Variants in PCNX2 observed in about 807,000 individuals in gnomAD.
PCNX2 encodes the protein pecanex-like protein 2.
A neutral mutation model predicts 223.8 loss-of-function variants in PCNX2; 168 were observed. That is an observed-to-expected ratio of 0.75 (90% confidence interval 0.66 to 0.85). The LOEUF is 0.85. Among genes scored for constraint, PCNX2 ranks in the 40% least tolerant of loss-of-function variants. The pLI is 0.00. For missense variants in PCNX2, 2,507 were observed against 2,675.5 expected (o/e 0.94, Z 1.39); for synonymous variants, 1,006 against 1,052.6 (o/e 0.96, Z 0.86).
chr1:233,046,705 T>G (rs1265117545), intron 25 of PCNX2, among the ~76,000 whole-genome samples: 1 of 152,194 alleles, frequency 6.6e-6, no homozygotes, highest in Non-Finnish European at 1.5e-5. Context: ...GGCAGTCTAG[T>G]CTCACATAAT....
chr1:233,300,985 G>C, the PCNX2 span, among the ~76,000 whole-genome samples: 2 of 152,128 alleles, frequency 1.3e-5, no homozygotes, highest in Non-Finnish European at 2.9e-5. Context: ...AGGCTCTTTT[G>C]TAACCCCCTA....
chr1:233,220,248 T>C (rs979559852), intron 10 of PCNX2, among the ~76,000 whole-genome samples: 3 of 152,238 alleles, frequency 2.0e-5, no homozygotes, highest in Non-Finnish European at 2.9e-5. Context: ...CAAACATTCA[T>C]GTGCAGTGTT....
In PCNX2 at chr1:233,000,162, G is replaced by A. The variant is rs6661270; in HGVS notation, c.5328+143C>T. ...TGCCCTGCCCCACTTGCCAGCCAGC[G>A]CTCCTTCCAGAACATCCCTCTGAAC... is the stretch of plus-strand genomic sequence containing the variant. On this transcript the variant is annotated intron_variant, in intron 30 of 33. Coordinates refer to ENST00000258229, the MANE Select transcript of PCNX2 (RefSeq NM_014801.4). This position sits in a 1 kb window ranked among gnomAD's most constrained non-coding sequence, Gnocchi z 4.6. 2,363 of 863,076 alleles carry A rather than the reference G, an allele frequency of 2.7e-3. 25 individuals are homozygous for A. The highest frequency in any genetic ancestry group is 0.019 in the Admixed American group (944 of 49,498). The allele number at this position is 863,076 out of a possible 1,614,324, so 53.5% of individuals were successfully genotyped here.
intron 23 of PCNX2, among the ~76,000 whole-genome samples, chr1:233,088,963 GAA>G (rs1673738441): frequency 6.6e-6 from 1 of 152,192 alleles, no homozygotes; most frequent in South Asian, 2.1e-4. Flanking sequence ...TACAGATGAG[GAA>G]AAGGAGGCCT....
chr1:233,040,585 T>C (rs533673608), intron 25 of PCNX2, among the ~76,000 whole-genome samples: 1 of 152,286 alleles, frequency 6.6e-6, no homozygotes, highest in African/African-American at 2.4e-5. Context: ...GACCATTCTC[T>C]CACCCTAACC....
intron 19 of PCNX2, among the ~76,000 whole-genome samples, chr1:233,148,524 C>T (rs1488057951): frequency 6.6e-6 from 1 of 151,706 alleles, no homozygotes; most frequent in Non-Finnish European, 1.5e-5. Context: ...CCTCTGCCTC[C>T]GAAGTAGCTG....
chr1:233,204,393 T>C (rs576936065), intron 13 of PCNX2, among the ~76,000 whole-genome samples: 79 of 152,338 alleles, frequency 5.2e-4, no homozygotes, highest in African/African-American at 1.9e-3. Flanking sequence ...GGGAGTACTT[T>C]GTTACAGCGG....
At chr1:233,016,787 T>C (rs1670679419) in intron 27 of PCNX2, 134 bp downstream of exon 27, 1 of 1,428,456 alleles carries the variant, frequency 7.0e-7, no homozygotes, top group Non-Finnish European at 9.2e-7. Flanking sequence ...AATAAACATC[T>C]GTCCAAATAG....
intron 19 of PCNX2, among the ~76,000 whole-genome samples, chr1:233,157,613 T>C (rs1030567752): frequency 6.6e-6 from 1 of 152,126 alleles, no homozygotes; most frequent in African/African-American, 2.4e-5. Context: ...CACTTTCACA[T>C]GAAAAGCTGT....
At chr1:233,130,862 T>C (rs1281779356) in intron 21 of PCNX2, among the ~76,000 whole-genome samples, 1 of 142,544 alleles carries the variant, frequency 7.0e-6, no homozygotes, top group Non-Finnish European at 1.5e-5. Flanking sequence ...TCAGGGGGAG[T>C]GGGGGATTTG....
In PCNX2 at chr1:233,200,224, G is replaced by A. The variant is rs1454739838; in HGVS notation, c.2904C>T (p.Leu968=). The A allele has an allele frequency of 6.3e-7, 1 of 1,591,212 alleles. No individual in the cohort carries two copies. Among genetic ancestry groups the A allele is most frequent in the Non-Finnish European group, 8.6e-7 (1 of 1,168,360 alleles). The part of the protein sequence containing the change: ...YCFPAISLLG[L]FPQINTFCTY... ...TGCAGAAAGTGTTGATTTGCGGGAA[G>A]AGCCCAAGGAGGGAAATAGCAGGGA... The change falls in exon 14 of 34, where the codon CTC becomes CTT. Residue 968 remains leucine (L), a synonymous_variant. Coordinates refer to ENST00000258229, the MANE Select transcript of PCNX2 (RefSeq NM_014801.4).
chr1:233,114,005 G>A (rs1675267552), intron 21 of PCNX2, among the ~76,000 whole-genome samples: 1 of 152,168 alleles, frequency 6.6e-6, no homozygotes, highest in Admixed American at 6.5e-5. Flanking sequence ...GGTTCTATCA[G>A]TAACCAAAAG....
chr1:233,264,868 TAG>T (rs1660245975), intron 1 of PCNX2, among the ~76,000 whole-genome samples: 1 of 152,128 alleles, frequency 6.6e-6, no homozygotes, highest in Non-Finnish European at 1.5e-5. Context: ...AAGCTAAATC[TAG>T]AGAGTTAATT....
intron 13 of PCNX2, chr1:233,202,008 C>G (rs138222935): frequency 6.7e-4 from 227 of 340,574 alleles, no homozygotes; most frequent in African/African-American, 4.7e-3. Flanking sequence ...ACTAGATCCT[C>G]TCCAAAACAT....
chr1:232,994,162 T>C (rs1293253354), intron 32 of PCNX2, among the ~76,000 whole-genome samples: 2 of 152,194 alleles, frequency 1.3e-5, no homozygotes, highest in African/African-American at 4.8e-5. Context: ...CACTAACAGC[T>C]TGCACTGTGC....
chr1:233,103,830 T>G (rs2102963712), intron 21 of PCNX2, among the ~76,000 whole-genome samples: 1 of 152,272 alleles, frequency 6.6e-6, no homozygotes, highest in South Asian at 2.1e-4. Context: ...ATATGGAAAC[T>G]CTATTTTTAG....
At chr1:233,016,886 C>T (rs1670684634) in intron 27 of PCNX2, 35 bp downstream of exon 27, 3 of 1,582,912 alleles carry the variant, frequency 1.9e-6, no homozygotes, top group Non-Finnish European at 1.7e-6. Flanking sequence ...ATTAAACTTA[C>T]ATTCCATGCC....
At chr1:233,170,010 C>T (rs1034617547) in intron 17 of PCNX2, among the ~76,000 whole-genome samples, 6 of 152,138 alleles carry the variant, frequency 3.9e-5, no homozygotes, top group South Asian at 2.1e-4. Context: ...CTCAACATTA[C>T]GTGGTTAAGA....
chr1:233,233,260 A>G (rs1464949683), intron 9 of PCNX2, among the ~76,000 whole-genome samples: 1 of 152,226 alleles, frequency 6.6e-6, no homozygotes, highest in Non-Finnish European at 1.5e-5. Context: ...ACATGGATTC[A>G]TGCAACATTT....
Sources: gnomAD v4.1 joint callset for allele counts (sites outside exome capture counted in the v4.1 genomes callset) on GRCh38, gnomAD v4.1.1 for gene constraint, Gnocchi (gnomAD v3.1) non-coding constraint, MANE v1.5 for transcripts, NCBI Gene and HGNC (gene_info 2026-07-23, HGNC 2026-07-21) for gene names.